The following SLC14A2 variants were observed in gnomAD, a reference collection of about 807,000 sequenced individuals.
SLC14A2 encodes the protein urea transporter 2.
In SLC14A2, 91 loss-of-function variants were observed where a neutral mutation model predicts 104.6. The observed-to-expected ratio is 0.87, with a 90% CI of 0.73 to 1.04. The LOEUF (loss-of-function observed/expected upper bound fraction) is 1.04. Ranked by LOEUF, SLC14A2 falls within the 50% of genes least tolerant of loss-of-function variation. SLC14A2 has a pLI of 0.00. For synonymous variants in SLC14A2, 476 were observed against 466.4 expected (o/e 1.02, Z -0.27); for missense variants, 1,189 against 1,156.0 (o/e 1.03, Z -0.41).
At chr18:45,560,943 T>C (rs573783646) in intron 2 of SLC14A2, among the ~76,000 whole-genome samples, 161 of 152,280 alleles carry the variant, frequency 1.1e-3, no homozygotes, top group African/African-American at 3.6e-3. Flanking sequence ...TCTCTTCTGC[T>C]TAACACGGAA....
At position 45,626,751 on chromosome 18, in the gene SLC14A2, G is replaced by A. The variant is rs1210527961; in HGVS notation, c.332-207G>A. On this transcript the variant is annotated intron_variant, in intron 3 of 19. Coordinates refer to ENST00000255226, the MANE Select transcript of SLC14A2 (RefSeq NM_007163.4). The stretch of plus-strand genomic sequence containing the variant: ...TATATGGCAAAAACTACCACCCACT[G>A]CAGAATGATTGCTGGGCTACTGAGA... Among the ~76,000 whole-genome samples, 3 of 152,106 alleles carry A rather than the reference G, an allele frequency of 2.0e-5. No individual in the cohort carries two copies. The East Asian group carries it at 5.8e-4, about 29-fold the overall frequency.
At chr18:45,310,115 A>T (rs1316774789) in intron 1 of SLC14A2, among the ~76,000 whole-genome samples, 2 of 152,092 alleles carry the variant, frequency 1.3e-5, no homozygotes, top group Non-Finnish European at 2.9e-5. Context: ...CTTACTGTCG[A>T]TGGACATTTA....
chr18:45,628,724 T>C (rs1428735435), intron 4 of SLC14A2, among the ~76,000 whole-genome samples: 2 of 152,218 alleles, frequency 1.3e-5, no homozygotes, highest in Admixed American at 6.5e-5. Context: ...GAGTTATCTA[T>C]ATATGGTAAT....
intron 1 of SLC14A2, among the ~76,000 whole-genome samples, chr18:45,341,872 G>A (rs530886019): frequency 8.0e-4 from 122 of 152,168 alleles, no homozygotes; most frequent in African/African-American, 2.8e-3. Context: ...ACAGGCACGA[G>A]CCACCACGCC....
At chr18:45,413,393 A>G (rs1283515363) in intron 1 of SLC14A2, among the ~76,000 whole-genome samples, 2 of 152,208 alleles carry the variant, frequency 1.3e-5, no homozygotes, top group African/African-American at 2.4e-5. Flanking sequence ...TTGTGTTGCA[A>G]TATGATGAGG....
intron 2 of SLC14A2, among the ~76,000 whole-genome samples, chr18:45,534,465 G>A (rs1208711639): frequency 6.6e-6 from 1 of 152,198 alleles, no homozygotes; most frequent in Admixed American, 6.5e-5. Flanking sequence ...CTACTATACT[G>A]TGTAAGCAGG....
chr18:45,218,245 A>G (rs1324256404), intron 1 of SLC14A2, among the ~76,000 whole-genome samples: 2 of 152,246 alleles, frequency 1.3e-5, no homozygotes, highest in African/African-American at 4.8e-5. Context: ...AGTACCTTAT[A>G]TAAGTAGAAT....
At chr18:45,645,619 A>ATATACATATATATATATATATATT (rs2045608591) in intron 10 of SLC14A2, among the ~76,000 whole-genome samples, 4 of 117,024 alleles carry the variant, frequency 3.4e-5, no homozygotes, top group East Asian at 2.2e-4. Flanking sequence ...TTAAATATAT[A>ATATACATATATATATATATATATT]TATACATATA....
intron 1 of SLC14A2, among the ~76,000 whole-genome samples, chr18:45,288,810 C>G (rs1028166831): frequency 2.0e-5 from 3 of 152,220 alleles, no homozygotes; most frequent in Non-Finnish European, 4.4e-5. Context: ...CGCCTGCCTC[C>G]CTGCTCTCAC....
intron 1 of SLC14A2, among the ~76,000 whole-genome samples, chr18:45,247,050 A>T (rs1312935857): frequency 6.6e-6 from 1 of 152,128 alleles, no homozygotes; most frequent in African/African-American, 2.4e-5. Context: ...ACAACCAAAG[A>T]TGTTTTTCAG....
chr18:45,414,066 T>A (rs911022358), intron 1 of SLC14A2, among the ~76,000 whole-genome samples: 1 of 152,228 alleles, frequency 6.6e-6, no homozygotes, highest in Non-Finnish European at 1.5e-5. Context: ...AATAGGGACA[T>A]GAATCATTCC....
intron 1 of SLC14A2, among the ~76,000 whole-genome samples, chr18:45,270,120 T>C (rs551605243): frequency 6.6e-6 from 1 of 152,198 alleles, no homozygotes; most frequent in East Asian, 1.9e-4. Context: ...CATCATTTGA[T>C]AGGACAACGT....
chr18:45,227,566 G>T (rs955829227), intron 1 of SLC14A2, among the ~76,000 whole-genome samples: 12 of 152,220 alleles, frequency 7.9e-5, no homozygotes, highest in African/African-American at 2.7e-4. Flanking sequence ...TCCCATTAAT[G>T]AGGGAGGAGC....
chr18:45,347,969 C>A (rs1383925487), intron 1 of SLC14A2, among the ~76,000 whole-genome samples: 1 of 152,238 alleles, frequency 6.6e-6, no homozygotes, highest in African/African-American at 2.4e-5. Flanking sequence ...CCCGAAAAAA[C>A]CAGAAGTGTC....
intron 8 of SLC14A2, among the ~76,000 whole-genome samples, chr18:45,642,436 G>C (rs1416061142): frequency 6.6e-6 from 1 of 152,222 alleles, no homozygotes; most frequent in South Asian, 2.1e-4. Flanking sequence ...AGCCTACAGG[G>C]GGAGGCTAGG....
intron 1 of SLC14A2, among the ~76,000 whole-genome samples, chr18:45,448,760 C>T (rs902047066): frequency 8.5e-5 from 13 of 152,194 alleles, no homozygotes; most frequent in Non-Finnish European, 1.9e-4. Flanking sequence ...TTATTTTTAA[C>T]TCCACTCCAT....
chr18:45,523,833 G>T (rs997464186), intron 2 of SLC14A2, among the ~76,000 whole-genome samples: 1 of 152,270 alleles, frequency 6.6e-6, no homozygotes, highest in East Asian at 1.9e-4. Flanking sequence ...GGCCACATTT[G>T]TTGAGAACTT....
At chr18:45,415,314 G>A (rs1005464642) in intron 1 of SLC14A2, among the ~76,000 whole-genome samples, 1 of 152,196 alleles carries the variant, frequency 6.6e-6, no homozygotes, top group African/African-American at 2.4e-5. Context: ...ATACGACTGA[G>A]CACTTCTGTA....
intron 1 of SLC14A2, among the ~76,000 whole-genome samples, chr18:45,363,301 A>G (rs1169095461): frequency 2.0e-5 from 3 of 152,114 alleles, no homozygotes; most frequent in Non-Finnish European, 4.4e-5. Context: ...CCTTCTTTCA[A>G]TATGGGCACA....
Sources: allele counts gnomAD v4.1 joint callset (sites outside exome capture counted in the v4.1 genomes callset), GRCh38; gene constraint gnomAD v4.1.1; transcripts MANE v1.5; gene names NCBI Gene and HGNC (gene_info 2026-07-23, HGNC 2026-07-21).